TMEM184B: variants seen among roughly 807,000 people sequenced by gnomAD.
TMEM184B encodes putative MAPK-activating protein FM08.
A neutral mutation model predicts 41.8 loss-of-function variants in TMEM184B; 17 were observed. The observed-to-expected ratio is 0.41, with a 90% CI of 0.28 to 0.61. TMEM184B has a LOEUF of 0.61. TMEM184B is among the 20% of genes least tolerant of loss of function. TMEM184B has a pLI of 0.34. For missense variants in TMEM184B, 393 were observed against 557.8 expected, an observed-to-expected ratio of 0.70 and a Z score of 2.98; for synonymous variants, 240 against 229.5, an observed-to-expected ratio of 1.05 and a Z score of -0.41.
At position 38,220,503 on chromosome 22, in the gene TMEM184B, C is replaced by T; in HGVS notation, c.*966G>A. ...TCCCAGCTCCCCACTGTGTGGCCAC[C>T]CCTCCCGGTCTCCCTGCCGGACTGC... On this transcript the variant is annotated 3_prime_UTR_variant, in exon 9 of 9. Transcript: ENST00000361906. The T allele has an allele frequency of 1.0e-6, 1 of 985,902 alleles. No homozygotes were observed. The highest frequency in any genetic ancestry group is 4.7e-5 in the South Asian group (1 of 21,288). The allele number at this position is 985,902 out of a possible 1,614,324, so 61.1% of individuals were successfully genotyped here.
chr22:38,235,617 T>C (rs1326312013), intron 3 of TMEM184B, among the ~76,000 whole-genome samples: 4 of 152,266 alleles, frequency 2.6e-5, no homozygotes, highest in African/African-American at 7.2e-5. Context: ...GAGTCGATAA[T>C]GGACTCCCTA....
chr22:38,226,784 G>A lies in TMEM184B; in HGVS notation c.612C>T (p.Asp204=), dbSNP rs371552566. The change falls in exon 6 of 9, where the codon GAC becomes GAT. Residue 204 remains aspartate (D), a synonymous_variant. Coordinates refer to ENST00000361906, the MANE Select transcript of TMEM184B (RefSeq NM_012264.5). This position sits in a 1 kb window ranked among gnomAD's most constrained non-coding sequence, Gnocchi z 4.6. ...LQAFGKYRDG[D]FDVTSGYLYV... ...GGGGAGCACCCGCTGCTTACTCAAA[G>A]TCCCCATCCCGGTACTTGCCGAAGG... 1.4e-5 allele frequency: 22 copies of A among 1,599,810 alleles called. No individual in the cohort carries two copies. Among genetic ancestry groups the A allele is most frequent in the Non-Finnish European group, 1.7e-5 (20 of 1,173,338 alleles).
At chr22:38,248,345 G>C (rs762105452) in intron 1 of TMEM184B, among the ~76,000 whole-genome samples, 4 of 152,162 alleles carry the variant, frequency 2.6e-5, no homozygotes, top group Non-Finnish European at 5.9e-5. Flanking sequence ...CCAAGGACTC[G>C]ATGGGACCTC....
intron 3 of TMEM184B, among the ~76,000 whole-genome samples, chr22:38,236,446 G>A (rs1602406707): frequency 6.6e-6 from 1 of 152,066 alleles, no homozygotes; most frequent in South Asian, 2.1e-4. Flanking sequence ...CAGAAGGACT[G>A]CAGCTCAATA....
At chr22:38,255,736 G>A (rs1398539680) in intron 1 of TMEM184B, among the ~76,000 whole-genome samples, 1 of 152,210 alleles carries the variant, frequency 6.6e-6, no homozygotes, top group Non-Finnish European at 1.5e-5. Flanking sequence ...TGATCTGGAT[G>A]GATCTCAGGG....
chr22:38,219,847 G>A lies in TMEM184B; in HGVS notation c.*1622C>T, dbSNP rs79177048. 1.3e-3 allele frequency: 1,258 copies of A among 985,264 alleles called. 13 individuals are homozygous for A. The African/African-American group carries it at 0.021, about 16-fold the overall frequency. The allele number at this position is 985,264 out of a possible 1,614,324, so 61.0% of individuals were successfully genotyped here. ...CGGGCAGCTTGGGCCCAACTGCTCC[G>A]CCCCCCCAAGATGGAGGGGGAGAGC... On this transcript the variant is annotated 3_prime_UTR_variant, in exon 9 of 9. Transcript: ENST00000361906.
chr22:38,245,556 C>G (rs1321194272), intron 3 of TMEM184B, among the ~76,000 whole-genome samples: 2 of 145,114 alleles, frequency 1.4e-5, no homozygotes, highest in Non-Finnish European at 3.0e-5. Context: ...GCCCTTGCTT[C>G]CAGGTACCTG....
chr22:38,262,062 T>C (rs2092377010), intron 1 of TMEM184B, among the ~76,000 whole-genome samples: 1 of 152,136 alleles, frequency 6.6e-6, no homozygotes, highest in Admixed American at 6.5e-5. Flanking sequence ...GTATATTTGG[T>C]GAACTCCTAC....
intron 2 of TMEM184B, 89 bp from the exon 3 acceptor site, chr22:38,246,189 T>A: frequency 6.7e-7 from 1 of 1,495,038 alleles, no homozygotes; most frequent in Non-Finnish European, 9.0e-7. Context: ...CACCGACTCA[T>A]CTGTGACCCG....
intron 3 of TMEM184B, among the ~76,000 whole-genome samples, chr22:38,235,460 G>A (rs911603973): frequency 2.6e-5 from 4 of 152,186 alleles, no homozygotes; most frequent in Non-Finnish European, 4.4e-5. Flanking sequence ...AGGTCCCTCC[G>A]TAACCGGCTC....
chr22:38,221,555 C>A lies in TMEM184B; in HGVS notation c.1138G>T (p.Ala380Ser), dbSNP rs372646314. ...LEPGPTWRGGAHGLSRSHSLS... is the reference protein window; with the variant it reads ...LEPGPTWRGGSHGLSRSHSLS... ...CTGTGGGAGCGGGAGAGGCCGTGGGCGCCACCACGCCAGGTGGGCCCAGGC... is the reference window on the plus strand; with the variant it reads ...CTGTGGGAGCGGGAGAGGCCGTGGGAGCCACCACGCCAGGTGGGCCCAGGC... The change falls in exon 9 of 9, where the codon GCC becomes TCC. Residue 380 changes from alanine (A) to serine (S), a missense_variant. By Grantham distance (99) the Ala-to-Ser change is moderately conservative. Around this residue, in one of 2 missense-constraint regions of TMEM184B, gnomAD observed 271 missense variants for 434.1 expected, o/e 0.62. Coordinates refer to ENST00000361906, the MANE Select transcript of TMEM184B (RefSeq NM_012264.5). The A allele has an allele frequency of 6.2e-7, 1 of 1,613,854 alleles. No individual in the cohort carries two copies. The highest frequency in any genetic ancestry group is 1.1e-5 in the South Asian group (1 of 91,074).
chr22:38,242,887 C>A (rs191079351), intron 3 of TMEM184B, among the ~76,000 whole-genome samples: 176 of 152,174 alleles, frequency 1.2e-3, no homozygotes, highest in Admixed American at 3.2e-3. Flanking sequence ...CATGGTGAAA[C>A]CCCGTCTCTA....
chr22:38,237,446 G>A (rs932058516), intron 3 of TMEM184B, among the ~76,000 whole-genome samples: 2 of 152,218 alleles, frequency 1.3e-5, no homozygotes, highest in African/African-American at 2.4e-5. Flanking sequence ...GGGCACACTG[G>A]GCCATTCTAA....
chr22:38,251,624 G>A (rs1402149921), intron 1 of TMEM184B, among the ~76,000 whole-genome samples: 1 of 152,154 alleles, frequency 6.6e-6, no homozygotes, highest in Non-Finnish European at 1.5e-5. Flanking sequence ...GGGGCAGGGT[G>A]GGCACTGGAT....
chr22:38,226,010 GCT>G lies in TMEM184B; in HGVS notation c.618-419_618-418del, dbSNP rs141586018. ...CCTTTTGCCCACCTGCCCTGGCAGG[GCT>G]GTTACACAGTTCACAGACAGTGTGT... On this transcript the variant is annotated intron_variant, in intron 6 of 8. Transcript: ENST00000361906. This position sits in a 1 kb window ranked among gnomAD's most constrained non-coding sequence, Gnocchi z 4.6. Among the ~76,000 whole-genome samples, 6,218 of 151,962 alleles carry G rather than the reference GCT, an allele frequency of 0.041. 409 individuals are homozygous for G. The highest frequency in any genetic ancestry group is 0.14 in the African/African-American group (5,638 of 41,364).
chr22:38,248,119 T>C, intron 1 of TMEM184B, 100 bp from the exon 2 acceptor site: 1 of 1,409,478 alleles, frequency 7.1e-7, no homozygotes, highest in Non-Finnish European at 9.3e-7. Flanking sequence ...ACCATGTCTG[T>C]ATTGACCCCA....
At position 38,219,741 on chromosome 22, in the gene TMEM184B, C is replaced by T. The variant is rs537600003; in HGVS notation, c.*1728G>A. On this transcript the variant is annotated 3_prime_UTR_variant, in exon 9 of 9. Coordinates refer to ENST00000361906, the MANE Select transcript of TMEM184B (RefSeq NM_012264.5). The stretch of plus-strand genomic sequence containing the variant: ...TGGCCTGGAGGGAGAAGGGAAGCCA[C>T]GGTGGAGAGACAGCTTGGTGAAAGC... 4.0e-5 allele frequency: 39 copies of T among 985,594 alleles called. No individual in the cohort carries two copies. Among genetic ancestry groups the T allele is most frequent in the Non-Finnish European group, 4.5e-5 (37 of 830,160 alleles). The allele number at this position is 985,594 out of a possible 1,614,324, so 61.1% of individuals were successfully genotyped here.
chr22:38,227,120 G>C lies in TMEM184B; in HGVS notation c.526-250C>G, dbSNP rs543601506. ...CCCAGGGGACTGCTGTCTGCGCGGG[G>C]CGGGGGGCAGAACATATAGGAGATG... On this transcript the variant is annotated intron_variant, in intron 5 of 8. Transcript: ENST00000361906. Among the ~76,000 whole-genome samples, 102 of 152,038 alleles carry C rather than the reference G, an allele frequency of 6.7e-4. 1 individual carries two copies. In the South Asian group the frequency reaches 0.021, roughly 31 times the overall value.
At position 38,220,230 on chromosome 22, in the gene TMEM184B, G is replaced by A. The variant is rs2091221870; in HGVS notation, c.*1239C>T. 4 of 985,768 alleles carry A rather than the reference G, an allele frequency of 4.1e-6. No homozygotes were observed. The highest frequency in any genetic ancestry group is 4.8e-6 in the Non-Finnish European group (4 of 830,070). 61.1% of individuals were successfully genotyped at this position (985,768 alleles called of 1,614,324 possible). Reference sequence around the variant, plus strand: ...TAGAGGTGTGGAGGGGGAGAGGAGGGGCTTGGTGGTCCTGACCACTCCTGA... The same window carrying A: ...TAGAGGTGTGGAGGGGGAGAGGAGGAGCTTGGTGGTCCTGACCACTCCTGA... On this transcript the variant is annotated 3_prime_UTR_variant, in exon 9 of 9. Transcript: ENST00000361906.
Sources: allele counts gnomAD v4.1 joint callset (sites outside exome capture counted in the v4.1 genomes callset), GRCh38; gene constraint gnomAD v4.1.1; regional missense constraint gnomAD v4.1.1; non-coding constraint Gnocchi (gnomAD v3.1); transcripts MANE v1.5; gene names NCBI Gene and HGNC (gene_info 2026-07-23, HGNC 2026-07-21).